Variants in SLC14A2 observed in about 807,000 individuals in gnomAD.
SLC14A2 encodes solute carrier family 14 member 2.
Under a neutral mutation model 104.6 loss-of-function variants are expected in SLC14A2, and 91 were observed. The observed-to-expected ratio is 0.87, with a 90% CI of 0.73 to 1.04. The LOEUF is 1.04. Among genes scored for constraint, SLC14A2 ranks in the 50% least tolerant of loss-of-function variants. The probability of loss-of-function intolerance (pLI) is 0.00; values close to 1 mark genes in which losing one functional copy is unlikely to be tolerated. For missense variants in SLC14A2, 1,189 were observed against 1,156.0 expected, an observed-to-expected ratio of 1.03 and a Z score of -0.41; for synonymous variants, 476 against 466.4, an observed-to-expected ratio of 1.02 and a Z score of -0.27.
chr18:45,308,304 G>A (rs537285234), intron 1 of SLC14A2, among the ~76,000 whole-genome samples: 17 of 152,304 alleles, frequency 1.1e-4, no homozygotes, highest in Middle Eastern at 3.4e-3. Flanking sequence ...TCATTTTGCA[G>A]CTGAAGAAGT....
At chr18:45,251,762 A>G (rs2084425796) in intron 1 of SLC14A2, among the ~76,000 whole-genome samples, 1 of 152,118 alleles carries the variant, frequency 6.6e-6, no homozygotes, top group Admixed American at 6.5e-5. Context: ...ATTTATCTTA[A>G]TTACTTCTTT....
Position 45,683,215 on chromosome 18 carries a change from G to T in SLC14A2, c.*696G>T, listed in dbSNP as rs1203038511. 2 of 152,246 alleles carry T rather than the reference G, an allele frequency of 1.3e-5. No homozygotes were observed. The highest frequency in any genetic ancestry group is 4.8e-5 in the African/African-American group (2 of 41,432). 9.4% of individuals were successfully genotyped at this position (152,246 alleles called of 1,614,324 possible). On this transcript the variant is annotated 3_prime_UTR_variant, in exon 20 of 20. Transcript: ENST00000255226. ...CAAGAACTGTGCATTAGCCCGGAAG[G>T]CAAGAGGGTTGGTTCTGCCCCAGCT...
chr18:45,351,962 A>G (rs2085507662), intron 1 of SLC14A2, among the ~76,000 whole-genome samples: 1 of 152,202 alleles, frequency 6.6e-6, no homozygotes, highest in Non-Finnish European at 1.5e-5. Flanking sequence ...TAGGACCATC[A>G]GGGAGACAGA....
chr18:45,520,788 A>G (rs2043506106), intron 2 of SLC14A2, among the ~76,000 whole-genome samples: 1 of 152,210 alleles, frequency 6.6e-6, no homozygotes, highest in African/African-American at 2.4e-5. Flanking sequence ...TCTCTAGACC[A>G]GAGAGAACAA....
chr18:45,272,911 A>T (rs1290046086), intron 1 of SLC14A2, among the ~76,000 whole-genome samples: 3 of 152,242 alleles, frequency 2.0e-5, no homozygotes, highest in Admixed American at 6.5e-5. Flanking sequence ...AAATTTTTTT[A>T]AAATAAAAGC....
chr18:45,384,724 G>A (rs1472236003), intron 1 of SLC14A2, among the ~76,000 whole-genome samples: 1 of 152,068 alleles, frequency 6.6e-6, no homozygotes, highest in Non-Finnish European at 1.5e-5. Flanking sequence ...GACCTGTCTT[G>A]CATCTCATGT....
intron 1 of SLC14A2, among the ~76,000 whole-genome samples, chr18:45,403,688 G>A (rs1003113998): frequency 3.3e-5 from 5 of 152,096 alleles, no homozygotes; most frequent in African/African-American, 1.2e-4. Flanking sequence ...AAAAAAAAAT[G>A]CTGTATCTAT....
chr18:45,606,753 CAAAAACAAAAAA>C (rs2044878467), intron 2 of SLC14A2, among the ~76,000 whole-genome samples: 6 of 16,460 alleles, frequency 3.6e-4, no homozygotes, highest in Non-Finnish European at 5.2e-4. Context: ...AAAAACAAAA[CAAAAACAAAAAA>C]AAAAAACACT....
At chr18:45,400,582 G>A (rs555206695) in intron 1 of SLC14A2, among the ~76,000 whole-genome samples, 9 of 152,246 alleles carry the variant, frequency 5.9e-5, no homozygotes, top group Non-Finnish European at 7.3e-5. Flanking sequence ...AATATTTTCT[G>A]TGGAGATACT....
chr18:45,673,537 C>A, intron 17 of SLC14A2, 146 bp from the exon 18 acceptor site: 1 of 831,570 alleles, frequency 1.2e-6, no homozygotes, highest in Non-Finnish European at 1.8e-6. Context: ...GATGTTTTTT[C>A]ACAGAATAAA....
intron 1 of SLC14A2, among the ~76,000 whole-genome samples, chr18:45,354,510 C>T (rs1271469291): frequency 6.6e-6 from 1 of 152,228 alleles, no homozygotes; most frequent in Non-Finnish European, 1.5e-5. Flanking sequence ...CTTGCGGAGG[C>T]TCCCAGTTCA....
chr18:45,272,006 T>C (rs1265142386), intron 1 of SLC14A2, among the ~76,000 whole-genome samples: 7 of 151,998 alleles, frequency 4.6e-5, no homozygotes, highest in African/African-American at 1.7e-4. Flanking sequence ...ACATGTATAG[T>C]AAACTCATCT....
At chr18:45,354,388 T>C (rs1252300229) in intron 1 of SLC14A2, among the ~76,000 whole-genome samples, 1 of 152,190 alleles carries the variant, frequency 6.6e-6, no homozygotes, top group Non-Finnish European at 1.5e-5. Context: ...GGGTGATTGG[T>C]GGCAGCAGGG....
At chr18:45,677,070 A>G (rs2046239347) in intron 18 of SLC14A2, among the ~76,000 whole-genome samples, 1 of 152,216 alleles carries the variant, frequency 6.6e-6, no homozygotes, top group South Asian at 2.1e-4. Flanking sequence ...CACCTGAGAC[A>G]GACAGTTTTC....
intron 1 of SLC14A2, among the ~76,000 whole-genome samples, chr18:45,287,149 G>A (rs2084822914): frequency 6.6e-6 from 1 of 152,198 alleles, no homozygotes; most frequent in African/African-American, 2.4e-5. Flanking sequence ...TCTGGAAGGT[G>A]TTGTGTGTTG....
chr18:45,434,853 T>C (rs918467932), intron 1 of SLC14A2, among the ~76,000 whole-genome samples: 15 of 152,190 alleles, frequency 9.9e-5, no homozygotes, highest in African/African-American at 3.6e-4. Flanking sequence ...ATAGCTCTTG[T>C]AATGTAATGG....
At chr18:45,614,365 G>A (rs2045024647), upstream of SLC14A2, among the ~76,000 whole-genome samples, 1 of 152,242 alleles carries the variant, frequency 6.6e-6, no homozygotes, top group Non-Finnish European at 1.5e-5. Context: ...AGGGAAATGT[G>A]AAGTTGGAGC....
rs1229198337 is a variant in SLC14A2, at chr18:45,607,250, C to A, written c.-34-17381C>A. 2.0e-5 allele frequency among the ~76,000 whole-genome samples: 3 copies of A among 152,026 alleles called. No individual in the cohort carries two copies. In the East Asian group the frequency reaches 5.8e-4, roughly 29 times the overall value. On this transcript the variant is annotated intron_variant, in intron 2 of 20. Transcript: ENST00000586448. ...CAATCCCCAGTCAGGGTTTTTTCCC[C>A]TAGAGATATTTATGCCCCATAAGAC...
At chr18:45,351,040 C>G (rs2085498256) in intron 1 of SLC14A2, among the ~76,000 whole-genome samples, 1 of 152,106 alleles carries the variant, frequency 6.6e-6, no homozygotes. Context: ...CACCGTCTCT[C>G]CCTTTCTTCT....
Sources: gnomAD v4.1 joint callset for allele counts (sites outside exome capture counted in the v4.1 genomes callset) on GRCh38, gnomAD v4.1.1 for gene constraint, MANE v1.5 for transcripts, NCBI Gene and HGNC (gene_info 2026-07-23, HGNC 2026-07-21) for gene names.